PTPRN2: variants seen among roughly 807,000 people sequenced by gnomAD.
PTPRN2 encodes the protein receptor-type tyrosine-protein phosphatase N2.
PTPRN2 carries 74 observed loss-of-function variants against 118.8 expected under a neutral mutation model. That is an observed-to-expected ratio of 0.62 (90% CI 0.52 to 0.76). The LOEUF (loss-of-function observed/expected upper bound fraction) is 0.76. Ranked by LOEUF, PTPRN2 falls within the 30% of genes least tolerant of loss-of-function variation. The pLI, the probability that PTPRN2 is intolerant of heterozygous loss-of-function variation, is 0.00. For synonymous variants in PTPRN2, 641 were observed against 608.0 expected, an observed-to-expected ratio of 1.05 and a Z score of -0.80; for missense variants, 1,481 against 1,394.4, an observed-to-expected ratio of 1.06 and a Z score of -0.99.
intron 2 of PTPRN2, among the ~76,000 whole-genome samples, chr7:158,403,755 C>G (rs1813128451): frequency 6.6e-6 from 1 of 152,162 alleles, no homozygotes; most frequent in South Asian, 2.1e-4. Context: ...TGAAAACTCC[C>G]AAAACCCCAC....
At chr7:157,545,369 A>G (rs978969175) in intron 22 of PTPRN2, among the ~76,000 whole-genome samples, 3 of 135,348 alleles carry the variant, frequency 2.2e-5, no homozygotes, top group Non-Finnish European at 3.1e-5. Flanking sequence ...GGGGATGCGC[A>G]GTGTGTGGCT....
intron 13 of PTPRN2, among the ~76,000 whole-genome samples, chr7:157,677,255 A>G (rs1218700889): frequency 6.6e-6 from 1 of 152,176 alleles, no homozygotes; most frequent in Admixed American, 6.5e-5. Flanking sequence ...TCCACATTTT[A>G]TGTCTCAGAC....
At chr7:157,975,158 C>T (rs1259933596) in intron 11 of PTPRN2, among the ~76,000 whole-genome samples, 1 of 152,112 alleles carries the variant, frequency 6.6e-6, no homozygotes, top group East Asian at 1.9e-4. Flanking sequence ...TCTGGGGCCC[C>T]CCAGTTCCTG....
chr7:158,237,868 G>T (rs1292995247), intron 3 of PTPRN2, among the ~76,000 whole-genome samples: 1 of 152,170 alleles, frequency 6.6e-6, no homozygotes, highest in East Asian at 1.9e-4. Context: ...TTACATGGGA[G>T]TGCACGAAGG....
chr7:157,927,307 T>C (rs36037659), intron 11 of PTPRN2, among the ~76,000 whole-genome samples: 2,084 of 17,208 alleles, frequency 0.12, 141 homozygotes, highest in Admixed American at 0.2. Flanking sequence ...AGAGACCTCA[T>C]GTCTTCTGGG....
rs181550429 is a variant in PTPRN2 at position 158,495,454 on chromosome 7, C to T, written c.113-5669G>A. On this transcript the variant is annotated intron_variant, in intron 1 of 22. Coordinates refer to ENST00000389418, the MANE Select transcript of PTPRN2 (RefSeq NM_002847.5). ...AAGCCTCCCTTCTCCCTTGCATTCT[C>T]AGATGTAAATGAGGATGCGCCCTGC... 4.4e-3 allele frequency among the ~76,000 whole-genome samples: 676 copies of T among 152,250 alleles called. 5 individuals are homozygous for T. Among genetic ancestry groups the T allele is most frequent in the Non-Finnish European group, 7.2e-3 (487 of 68,016 alleles).
At chr7:157,830,549 A>G (rs1294733661) in intron 12 of PTPRN2, among the ~76,000 whole-genome samples, 1 of 151,808 alleles carries the variant, frequency 6.6e-6, no homozygotes, top group Non-Finnish European at 1.5e-5. Context: ...AGGCACACAC[A>G]TCGCCACGCG....
chr7:158,095,784 C>A (rs549583599), intron 10 of PTPRN2, among the ~76,000 whole-genome samples: 2 of 152,156 alleles, frequency 1.3e-5, no homozygotes, highest in African/African-American at 4.8e-5. Flanking sequence ...TGCTATGTTG[C>A]CCTGGCTGGT....
chr7:157,716,568 G>T lies in PTPRN2; in HGVS notation c.1789-33631C>A, dbSNP rs1431314057. ...GCCACGTAGACTCTGCAGGAACACT[G>T]CCTGGCCACGTAGACTCTGCGGGAA... is the stretch of plus-strand genomic sequence containing the variant. On this transcript the variant is annotated intron_variant, in intron 12 of 22. Coordinates refer to ENST00000389418, the MANE Select transcript of PTPRN2 (RefSeq NM_002847.5). Among the ~76,000 whole-genome samples, 19 of 65,402 alleles carry T rather than the reference G, an allele frequency of 2.9e-4. 1 individual carries two copies. The highest frequency in any genetic ancestry group is 1.3e-3 in the African/African-American group (13 of 10,110). The allele number at this position is 65,402 out of a possible 152,430, so 42.9% of individuals were successfully genotyped here. A position where few individuals can be genotyped will look rare whatever the true frequency, so the allele number is the denominator to read the frequency against.
intron 6 of PTPRN2, among the ~76,000 whole-genome samples, chr7:158,157,164 C>G (rs1035220586): frequency 2.0e-5 from 3 of 152,210 alleles, no homozygotes; most frequent in Non-Finnish European, 4.4e-5. Flanking sequence ...TGTGCTAACA[C>G]AGCAGAGAGC....
At chr7:158,302,804 C>T (rs1258650261) in intron 3 of PTPRN2, among the ~76,000 whole-genome samples, 1 of 152,272 alleles carries the variant, frequency 6.6e-6, no homozygotes, top group East Asian at 1.9e-4. Flanking sequence ...GAGGCCAAAA[C>T]TATTTTCATA....
At chr7:157,547,973 G>A (rs759407611) in intron 22 of PTPRN2, among the ~76,000 whole-genome samples, 8 of 152,242 alleles carry the variant, frequency 5.3e-5, no homozygotes, top group Non-Finnish European at 1.0e-4. Context: ...CGCTGGGCCT[G>A]TTGGTCAGTG....
intron 14 of PTPRN2, among the ~76,000 whole-genome samples, chr7:157,640,123 C>T (rs1804585527): frequency 6.6e-6 from 1 of 152,152 alleles, no homozygotes; most frequent in Admixed American, 6.5e-5. Flanking sequence ...AGGCTTAGAC[C>T]CATGAGACCT....
chr7:157,542,612 G>A (rs1399859694), intron 22 of PTPRN2, among the ~76,000 whole-genome samples: 1 of 152,188 alleles, frequency 6.6e-6, no homozygotes, highest in Non-Finnish European at 1.5e-5. Flanking sequence ...GGGACGGGCA[G>A]GGGGAACTCC....
intron 2 of PTPRN2, among the ~76,000 whole-genome samples, chr7:158,444,776 G>A (rs1292497439): frequency 3.9e-5 from 6 of 152,140 alleles, no homozygotes; most frequent in African/African-American, 7.2e-5. Context: ...CAGGGCCTGC[G>A]TCACATGCAC....
chr7:158,411,762 A>C (rs1383728787), intron 2 of PTPRN2, among the ~76,000 whole-genome samples: 5 of 152,214 alleles, frequency 3.3e-5, no homozygotes, highest in African/African-American at 1.2e-4. Flanking sequence ...GCCAGGGCCC[A>C]GGTCTTATCC....
intron 2 of PTPRN2, among the ~76,000 whole-genome samples, chr7:158,399,962 C>G (rs1420272951): frequency 6.6e-6 from 1 of 152,204 alleles, no homozygotes; most frequent in African/African-American, 2.4e-5. Context: ...GGCGGCGAGT[C>G]TGCAGACCAG....
intron 3 of PTPRN2, among the ~76,000 whole-genome samples, chr7:158,240,468 G>C (rs12698175): frequency 0.58 from 88,788 of 152,058 alleles, 26,230 homozygotes; most frequent in Non-Finnish European, 0.64. Flanking sequence ...TCACTCTGTC[G>C]CCCAGGCTGG....
chr7:158,556,210 A>C (rs1044422516), intron 1 of PTPRN2, among the ~76,000 whole-genome samples: 1 of 152,204 alleles, frequency 6.6e-6, no homozygotes, highest in African/African-American at 2.4e-5. Flanking sequence ...TAGACGATTG[A>C]CAGGTAAAGA....
Sources: allele counts gnomAD v4.1 joint callset (sites outside exome capture counted in the v4.1 genomes callset), GRCh38; gene constraint gnomAD v4.1.1; transcripts MANE v1.5; gene names NCBI Gene and HGNC (gene_info 2026-07-23, HGNC 2026-07-21).